DNAJB13: variants seen among roughly 807,000 people sequenced by gnomAD.
DNAJB13 encodes DnaJ heat shock protein family (Hsp40) member B13.
A neutral mutation model predicts 35.6 loss-of-function variants in DNAJB13; 22 were observed. That is an observed-to-expected ratio of 0.62 (90% CI 0.44 to 0.88). The LOEUF (loss-of-function observed/expected upper bound fraction) is 0.88, where lower values mean the gene tolerates loss of function less well. Among genes scored for constraint, DNAJB13 ranks in the 40% least tolerant of loss-of-function variants. The probability of loss-of-function intolerance (pLI) is 0.00; values close to 1 mark genes in which losing one functional copy is unlikely to be tolerated. For synonymous variants in DNAJB13, 136 were observed against 144.2 expected (o/e 0.94, Z 0.41); for missense variants, 370 against 384.3 (o/e 0.96, Z 0.31).
At position 73,964,808 on chromosome 11, in the gene DNAJB13, T is replaced by C. The variant is rs575517781; in HGVS notation, c.335-70T>C. Reference sequence around the variant, plus strand: ...GTGTGTGTGTGTGTGTGTGTGTGTGTGTGTGCGCGCGCGCGCATGTCTGGG... The same window carrying C: ...GTGTGTGTGTGTGTGTGTGTGTGTGCGTGTGCGCGCGCGCGCATGTCTGGG... On this transcript the variant is annotated intron_variant, in intron 3 of 7. Coordinates refer to ENST00000339764, the MANE Select transcript of DNAJB13 (RefSeq NM_153614.4). 125,826 of 717,788 alleles carry C rather than the reference T, an allele frequency of 0.18. 15,898 individuals carry two copies. The highest frequency in any genetic ancestry group is 0.35 in the African/African-American group (15,700 of 44,344). The allele number at this position is 717,788 out of a possible 1,614,324, so 44.5% of individuals were successfully genotyped here.
chr11:73,967,435 C>T (rs889087925), intron 5 of DNAJB13, among the ~76,000 whole-genome samples: 106 of 152,270 alleles, frequency 7.0e-4, no homozygotes, highest in African/African-American at 2.5e-3. Flanking sequence ...TTTTTGCCCC[C>T]TTTCTCACCT....
chr11:73,951,964 T>G (rs1950597299), intron 1 of DNAJB13, among the ~76,000 whole-genome samples: 1 of 152,144 alleles, frequency 6.6e-6, no homozygotes, highest in African/African-American at 2.4e-5. Context: ...GTTTTTTTTT[T>G]TAACAAATAT....
At chr11:73,968,281 C>A (rs762224510) in intron 5 of DNAJB13, 64 bp from the exon 6 acceptor site, 1 of 1,381,504 alleles carries the variant, frequency 7.2e-7, no homozygotes, top group Non-Finnish European at 1.0e-6. Flanking sequence ...CAAGTAGAGG[C>A]AGGAACTTGG....
chr11:73,955,039 A>G (rs1007666153), intron 1 of DNAJB13, among the ~76,000 whole-genome samples: 2 of 152,186 alleles, frequency 1.3e-5, no homozygotes, highest in African/African-American at 2.4e-5. Context: ...CTCCCCTGCA[A>G]TAACTCTAAG....
At chr11:73,953,857 G>A (rs533985323) in intron 1 of DNAJB13, among the ~76,000 whole-genome samples, 32 of 151,752 alleles carry the variant, frequency 2.1e-4, no homozygotes, top group African/African-American at 6.0e-4. Context: ...AAAATTAGCC[G>A]GGCACCTGTA....
intron 1 of DNAJB13, among the ~76,000 whole-genome samples, chr11:73,954,005 AT>A (rs1950658508): frequency 8.4e-6 from 1 of 118,446 alleles, no homozygotes; most frequent in Non-Finnish European, 1.7e-5. Flanking sequence ...TAATAAAATA[AT>A]AATAATAATA....
intron 5 of DNAJB13, 122 bp downstream of exon 5, chr11:73,966,373 G>C: frequency 1.1e-6 from 1 of 880,236 alleles, no homozygotes; most frequent in South Asian, 1.5e-5. Context: ...GGTCTGTAGA[G>C]AGCCCAGTCT....
chr11:73,966,542 G>GAA (rs1839287621), intron 5 of DNAJB13, among the ~76,000 whole-genome samples: 2 of 152,076 alleles, frequency 1.3e-5, no homozygotes, highest in African/African-American at 4.8e-5. Context: ...GCAAGAACAT[G>GAA]GGAGCTGAAA....
chr11:73,966,771 T>A (rs1043632896), intron 5 of DNAJB13, among the ~76,000 whole-genome samples: 1 of 151,578 alleles, frequency 6.6e-6, no homozygotes, highest in Non-Finnish European at 1.5e-5. Context: ...CTCCACCTCC[T>A]GGATTCAAGC....
Position 73,970,013 on chromosome 11 carries a change from C to T in DNAJB13, c.850C>T (p.Pro284Ser), listed in dbSNP as rs746419084. The T allele has an allele frequency of 9.3e-6, 15 of 1,611,656 alleles. No homozygotes were observed. The highest frequency in any genetic ancestry group is 1.3e-5 in the Non-Finnish European group (15 of 1,178,760). ...GGAGGGGATGCCATTGCCGGAGGAC[C>T]CCACTAAGAAAGGGGATCTCTTCAT... The part of the protein sequence containing the change: ...PGEGMPLPED[P>S]TKKGDLFIFF... Residue 284 changes from proline (P) to serine (S), a missense_variant, in exon 8 of 8, where the codon CCC becomes TCC. By Grantham distance (74) the Pro-to-Ser change is moderately conservative. Coordinates refer to ENST00000339764, the MANE Select transcript of DNAJB13 (RefSeq NM_153614.4).
At chr11:73,963,177 C>T (rs1950979791) in intron 3 of DNAJB13, among the ~76,000 whole-genome samples, 1 of 151,678 alleles carries the variant, frequency 6.6e-6, no homozygotes, top group Non-Finnish European at 1.5e-5. Flanking sequence ...AACAAACAAA[C>T]AAACAAAAAC....
intron 1 of DNAJB13, among the ~76,000 whole-genome samples, chr11:73,952,717 C>T (rs1950618025): frequency 6.6e-6 from 1 of 152,208 alleles, no homozygotes. Flanking sequence ...GAAAGATAAG[C>T]ACAGCTTAAG....
At chr11:73,952,810 C>T (rs1051532057) in intron 1 of DNAJB13, among the ~76,000 whole-genome samples, 5 of 152,088 alleles carry the variant, frequency 3.3e-5, no homozygotes, top group South Asian at 2.1e-4. Flanking sequence ...CTCTTTGAGC[C>T]GAAGTTTTCC....
intron 5 of DNAJB13, among the ~76,000 whole-genome samples, chr11:73,967,672 G>T (rs1951157601): frequency 1.3e-5 from 2 of 152,182 alleles, no homozygotes; most frequent in South Asian, 4.1e-4. Context: ...TTGAGCCGAG[G>T]AGGTCAAGGC....
At chr11:73,964,833 G>A (rs1278825537) in intron 3 of DNAJB13, 45 bp from the exon 4 acceptor site, 10 of 1,589,964 alleles carry the variant, frequency 6.3e-6, no homozygotes, top group Non-Finnish European at 8.6e-6. Context: ...GCATGTCTGG[G>A]TCTCTGGATA....
At chr11:73,958,638 C>T (rs572611825) in intron 2 of DNAJB13, among the ~76,000 whole-genome samples, 6 of 152,334 alleles carry the variant, frequency 3.9e-5, no homozygotes, top group South Asian at 2.1e-4. Context: ...TACACTGACT[C>T]GCTCATCCTG....
At chr11:73,951,913 T>C (rs1950595850) in intron 1 of DNAJB13, among the ~76,000 whole-genome samples, 1 of 152,210 alleles carries the variant, frequency 6.6e-6, no homozygotes, top group South Asian at 2.1e-4. Context: ...TCCCAAGTGC[T>C]GGGATTATAG....
At chr11:73,954,646 AT>A (rs1255897949) in intron 1 of DNAJB13, among the ~76,000 whole-genome samples, 4 of 137,232 alleles carry the variant, frequency 2.9e-5, no homozygotes, top group Non-Finnish European at 3.2e-5. Flanking sequence ...AAAAAATAAA[AT>A]AAATAAATAA....
At chr11:73,966,659 T>C (rs1951124865) in intron 5 of DNAJB13, among the ~76,000 whole-genome samples, 1 of 151,792 alleles carries the variant, frequency 6.6e-6, no homozygotes, top group African/African-American at 2.4e-5. Flanking sequence ...ATAATAATTT[T>C]ATTTATTTAT....
Sources: gnomAD v4.1 joint callset for allele counts (sites outside exome capture counted in the v4.1 genomes callset) on GRCh38, gnomAD v4.1.1 for gene constraint, MANE v1.5 for transcripts, NCBI Gene and HGNC (gene_info 2026-07-23, HGNC 2026-07-21) for gene names.